Variants in FREM2 observed in about 807,000 individuals in gnomAD.
FREM2 encodes FRAS1-related extracellular matrix protein 2.
A neutral mutation model predicts 219.9 loss-of-function variants in FREM2; 119 were observed. The observed-to-expected ratio is 0.54, with a 90% CI of 0.47 to 0.63. FREM2 has a LOEUF of 0.63. Among genes scored for constraint, FREM2 ranks in the 30% least tolerant of loss-of-function variants. FREM2 has a pLI of 0.00. For missense variants in FREM2, 4,030 were observed against 3,993.6 expected, an observed-to-expected ratio of 1.01 and a Z score of -0.25; for synonymous variants, 1,562 against 1,522.8, an observed-to-expected ratio of 1.03 and a Z score of -0.60.
chr13:38,827,598 G>A (rs965638672), intron 6 of FREM2: 2 of 152,108 alleles, frequency 1.3e-5, no homozygotes, highest in African/African-American at 4.8e-5. Context: ...TGGATGTGTG[G>A]ATAGATCACT....
In FREM2 at chr13:38,851,848, A is replaced by G; in HGVS notation, c.6905A>G (p.Asp2302Gly). The G allele has an allele frequency of 1.2e-6, 2 of 1,613,774 alleles. No homozygotes were observed. Among genetic ancestry groups the G allele is most frequent in the Non-Finnish European group, 1.7e-6 (2 of 1,179,900 alleles). ...TKDGSATSGE[D>G]YHPVSEEIEF... ...GATGGCTCGGCCACCTCTGGAGAAG[A>G]CTACCACCCTGTGTCAGAAGGTATG... The change falls in exon 11 of 24, where the codon GAC (aspartate) becomes GGC (glycine). Residue 2302 changes from aspartate (D) to glycine (G), a missense_variant. Physicochemically the swap from Asp to Gly is moderately conservative, Grantham distance 94. Around this residue, in one of 2 missense-constraint regions of FREM2, gnomAD observed 3,102 missense variants for 2,950.7 expected, o/e 1.05. Coordinates refer to ENST00000280481, the MANE Select transcript of FREM2 (RefSeq NM_207361.6).
At chr13:38,807,707 T>G (rs1221633160) in intron 6 of FREM2, among the ~76,000 whole-genome samples, 1 of 151,946 alleles carries the variant, frequency 6.6e-6, no homozygotes, top group Non-Finnish European at 1.5e-5. Context: ...GTCTCAATGG[T>G]CAGCTTAAAA....
chr13:38,769,931 AG>A (rs1286516919), intron 4 of FREM2, 123 bp downstream of exon 4: 1 of 757,720 alleles, frequency 1.3e-6, no homozygotes, highest in African/African-American at 1.7e-5. Flanking sequence ...AGAACCTTCT[AG>A]ATTAATGATT....
intron 7 of FREM2, among the ~76,000 whole-genome samples, chr13:38,846,963 A>G (rs1329553612): frequency 2.0e-5 from 3 of 152,172 alleles, no homozygotes; most frequent in African/African-American, 7.2e-5. Context: ...GGATCTGTAT[A>G]CTGAGGCCTA....
In FREM2 at chr13:38,857,892, G is replaced by C; in HGVS notation, c.7074G>C (p.Val2358=). The change falls in exon 13 of 24, where the codon GTG becomes GTC. Residue 2358 remains valine, a synonymous_variant. Transcript: ENST00000280481. ...IAEMQLTKAI[V]YIEEMSSMAD... The stretch of plus-strand genomic sequence containing the variant: ...CCTTCTAGTTGACGAAAGCCATTGT[G>C]TACATAGAAGAAATGAGCAGCATGG... 1.2e-6 allele frequency: 2 copies of C among 1,613,626 alleles called. No individual in the cohort carries two copies. Among genetic ancestry groups the C allele is most frequent in the Non-Finnish European group, 1.7e-6 (2 of 1,179,536 alleles).
chr13:38,796,836 A>T (rs926197469), intron 6 of FREM2, among the ~76,000 whole-genome samples: 23 of 151,650 alleles, frequency 1.5e-4, no homozygotes. Context: ...TTTTTGAAAA[A>T]TTTTTATACT....
chr13:38,777,575 C>A (rs909631400), intron 4 of FREM2, among the ~76,000 whole-genome samples: 20 of 152,146 alleles, frequency 1.3e-4, no homozygotes, highest in African/African-American at 4.8e-4. Context: ...ACTAGCCAAT[C>A]ATGTGAAGTG....
rs954305486 is a variant in FREM2 at position 38,859,594 on chromosome 13, A to G, written c.7519+4A>G. 2 of 1,613,068 alleles carry G rather than the reference A, an allele frequency of 1.2e-6. No individual in the cohort carries two copies. The highest frequency in any genetic ancestry group is 2.7e-5 in the African/African-American group (2 of 74,934). ...GTAACCATCAGCAGAGAAGAAGGTC[A>G]GTCATTGCCATTTTCCCCTGAAGAT... On this transcript the variant is annotated splice_donor_region_variant and intron_variant, in intron 14 of 23. Coordinates refer to ENST00000280481, the MANE Select transcript of FREM2 (RefSeq NM_207361.6).
At chr13:38,870,390 C>G (rs909491084) in intron 16 of FREM2, among the ~76,000 whole-genome samples, 2 of 152,116 alleles carry the variant, frequency 1.3e-5, no homozygotes, top group African/African-American at 4.8e-5. Context: ...GATGAAGAAA[C>G]TTCAAACAGC....
intron 2 of FREM2, among the ~76,000 whole-genome samples, chr13:38,737,133 T>C (rs1324220941): frequency 6.6e-6 from 1 of 152,178 alleles, no homozygotes; most frequent in Admixed American, 6.6e-5. Flanking sequence ...GTGTGTTCTG[T>C]CCTGTCTTCC....
intron 2 of FREM2, among the ~76,000 whole-genome samples, chr13:38,723,266 T>A (rs1551027): frequency 0.98 from 149,651 of 152,170 alleles, 73,649 homozygotes; most frequent in East Asian, 1. Context: ...AAAAATAAAA[T>A]AAAACAGCTG....
At chr13:38,806,646 C>A (rs1370732789) in intron 6 of FREM2, among the ~76,000 whole-genome samples, 2 of 151,824 alleles carry the variant, frequency 1.3e-5, no homozygotes, top group African/African-American at 4.8e-5. Context: ...AATTTGTAAT[C>A]TTTTTGCTGG....
intron 4 of FREM2, among the ~76,000 whole-genome samples, chr13:38,780,230 A>G (rs542573184): frequency 2.6e-5 from 4 of 152,278 alleles, no homozygotes; most frequent in African/African-American, 9.6e-5. Flanking sequence ...CCTAAATCTG[A>G]TTCTCCTGAA....
At chr13:38,762,862 C>G (rs1397207067) in intron 2 of FREM2, among the ~76,000 whole-genome samples, 2 of 152,192 alleles carry the variant, frequency 1.3e-5, no homozygotes, top group African/African-American at 2.4e-5. Context: ...TTCACAGTAT[C>G]AGTACCATTT....
chr13:38,806,318 T>C (rs1280589323), intron 6 of FREM2, among the ~76,000 whole-genome samples: 3 of 151,894 alleles, frequency 2.0e-5, no homozygotes, highest in African/African-American at 7.2e-5. Context: ...GTGCACAGAT[T>C]AAAAGAAAAG....
intron 2 of FREM2, among the ~76,000 whole-genome samples, chr13:38,753,599 C>A (rs1450944293): frequency 6.6e-6 from 1 of 152,216 alleles, no homozygotes; most frequent in Admixed American, 6.5e-5. Flanking sequence ...ACAAATAATT[C>A]TCAGCCACTC....
At chr13:38,867,579 G>A (rs966250028) in intron 16 of FREM2, among the ~76,000 whole-genome samples, 8 of 152,190 alleles carry the variant, frequency 5.3e-5, no homozygotes, top group Non-Finnish European at 2.9e-5. Flanking sequence ...ATTAGCTCAC[G>A]AGATCGTAGA....
chr13:38,755,298 T>C (rs2137799151), intron 2 of FREM2, among the ~76,000 whole-genome samples: 1 of 152,220 alleles, frequency 6.6e-6, no homozygotes, highest in South Asian at 2.1e-4. Flanking sequence ...CTAGAAATCC[T>C]ATCACAGCTA....
Position 38,691,978 on chromosome 13 carries a change from A to AAAGTGAAAAC in FREM2, c.4638_4647dup (p.Leu1550Ter). The AAAGTGAAAAC allele has an allele frequency of 6.2e-7, 1 of 1,614,236 alleles. No individual in the cohort carries two copies. Among genetic ancestry groups the AAAGTGAAAAC allele is most frequent in the Non-Finnish European group, 8.5e-7 (1 of 1,180,034 alleles). On this transcript the variant is annotated frameshift_variant, in exon 1 of 24. Transcript: ENST00000280481. LOFTEE classifies it high-confidence loss of function. ...ACCATCCACAAGCTGGTTGTCAGTG[A>AAAGTGAAAAC]AAGTGAAAACAAGCTGATTACTCCT...
Sources: allele counts gnomAD v4.1 joint callset (sites outside exome capture counted in the v4.1 genomes callset), GRCh38; gene constraint gnomAD v4.1.1; regional missense constraint gnomAD v4.1.1; transcripts MANE v1.5; gene names NCBI Gene and HGNC (gene_info 2026-07-23, HGNC 2026-07-21).